Variants in SHPRH observed in about 807,000 individuals in gnomAD.
SHPRH encodes the protein SNF2 histone linker PHD RING helicase.
In SHPRH, 106 loss-of-function variants were observed where a neutral mutation model predicts 202.5. The ratio of observed to expected loss-of-function variants is 0.52; its 90% CI spans 0.45 to 0.62. The LOEUF is 0.62. Among genes scored for constraint, SHPRH ranks in the 20% least tolerant of loss-of-function variants. The pLI is 0.00. For missense variants in SHPRH, 1,710 were observed against 2,020.0 expected (o/e 0.85, Z 2.94); for synonymous variants, 729 against 686.0 (o/e 1.06, Z -0.98).
Position 145,943,461 on chromosome 6 carries a change from A to G in SHPRH, c.1920T>C (p.Asp640=), listed in dbSNP as rs1257353369. Reference sequence around the variant, plus strand: ...TGGTATTAGAAGGTGGTACATCACTATCAGCATGATTTAGAGATTCAGCAC... The same window carrying G: ...TGGTATTAGAAGGTGGTACATCACTGTCAGCATGATTTAGAGATTCAGCAC... The part of the protein sequence containing the change: ...EDCAESLNHA[D]SDVPPSNTMS... The change falls in exon 9 of 30, where the codon GAT becomes GAC. Residue 640 remains aspartate (D), a synonymous_variant. Coordinates refer to ENST00000275233, the MANE Select transcript of SHPRH (RefSeq NM_001042683.3). The G allele has an allele frequency of 6.2e-7, 1 of 1,614,002 alleles. No homozygotes were observed. The highest frequency in any genetic ancestry group is 1.7e-4 in the Middle Eastern group (1 of 6,060).
chr6:145,894,831 T>A (rs769567224), intron 26 of SHPRH, 54 bp downstream of exon 26: 2 of 1,550,192 alleles, frequency 1.3e-6, no homozygotes, highest in Admixed American at 3.4e-5. Context: ...GTAAACTGAT[T>A]AGAGAGGGAA....
In SHPRH at chr6:145,955,202, C is replaced by A. The variant is rs909614323; in HGVS notation, c.121G>T (p.Glu41Ter). Residue 41 changes from glutamate (E) to a stop codon, truncating the protein, a stop_gained, in exon 2 of 30, where the codon GAG becomes TAG. Coordinates refer to ENST00000275233, the MANE Select transcript of SHPRH (RefSeq NM_001042683.3). LOFTEE classifies it high-confidence loss of function. ...GTATCTGAACCTGGGCAGGGCTGCT[C>A]GTCATCATCACTTATGATGATAGGT... Reference protein sequence around the residue: ...NEPIIISDDDEQPCPGSDTSS... With the variant: ...NEPIIISDDD 1 of 1,613,698 alleles carries A rather than the reference C, an allele frequency of 6.2e-7. No individual in the cohort carries two copies. The highest frequency in any genetic ancestry group is 1.1e-5 in the South Asian group (1 of 91,076).
At chr6:145,945,033 C>T (rs921975784) in intron 8 of SHPRH, among the ~76,000 whole-genome samples, 7 of 151,930 alleles carry the variant, frequency 4.6e-5, no homozygotes, top group African/African-American at 9.7e-5. Context: ...CTAGCCAGGG[C>T]AATAGATGCC....
chr6:145,919,846 T>C (rs1784282978), intron 21 of SHPRH, among the ~76,000 whole-genome samples: 1 of 152,126 alleles, frequency 6.6e-6, no homozygotes, highest in African/African-American at 2.4e-5. Flanking sequence ...GCAACAAGAA[T>C]ACTAAAATAT....
chr6:145,933,795 G>C (rs1431118628), intron 13 of SHPRH, among the ~76,000 whole-genome samples: 1 of 152,036 alleles, frequency 6.6e-6, no homozygotes, highest in Non-Finnish European at 1.5e-5. Flanking sequence ...ATAGCCAAAG[G>C]CCAGTTCCTG....
intron 16 of SHPRH, among the ~76,000 whole-genome samples, chr6:145,925,202 GT>G (rs1041666103): frequency 6.6e-6 from 1 of 151,614 alleles, no homozygotes; most frequent in African/African-American, 2.4e-5. Flanking sequence ...GGCTAATTTA[GT>G]TATTAAAATT....
At chr6:145,870,019 T>G (rs916535618) in intron 2 of SHPRH, among the ~76,000 whole-genome samples, 1 of 151,994 alleles carries the variant, frequency 6.6e-6, no homozygotes, top group African/African-American at 2.4e-5. Context: ...TTGATTTTTT[T>G]TCTTCAGTGT....
intron 25 of SHPRH, 100 bp downstream of exon 25, chr6:145,910,348 C>T (rs1783385063): frequency 8.1e-6 from 11 of 1,358,176 alleles, no homozygotes; most frequent in Middle Eastern, 2.2e-4. Flanking sequence ...TACCTATTCA[C>T]TGTCAAGCTT....
chr6:145,911,453 T>A (rs1479638294), intron 24 of SHPRH, among the ~76,000 whole-genome samples: 1 of 152,136 alleles, frequency 6.6e-6, no homozygotes, highest in Admixed American at 6.6e-5. Flanking sequence ...CCCCTTGTCC[T>A]ATTCGGGAAA....
At position 145,926,260 on chromosome 6, in the gene SHPRH, T is replaced by G; in HGVS notation, c.3238A>C (p.Ile1080Leu). The G allele has an allele frequency of 1.2e-6, 2 of 1,612,976 alleles. No individual in the cohort carries two copies. Among genetic ancestry groups the G allele is most frequent in the Non-Finnish European group, 8.5e-7 (1 of 1,179,226 alleles). ...HATHNLMELL[I>L]ARHPGIPPTL... ...GGTGGTATCCCTGGGTGCCTGGCTA[T>G]CAACAATTCCATCAAGTTATGGGTA... The change falls in exon 16 of 30, where the codon ATA becomes CTA. Residue 1080 changes from isoleucine to leucine, a missense_variant. Physicochemically the swap from Ile to Leu is conservative, Grantham distance 5. Around this residue, in one of 8 missense-constraint regions of SHPRH, gnomAD observed 288 missense variants for 317.8 expected, o/e 0.91. Transcript: ENST00000275233.
chr6:145,920,764 A>AACTTATAGGATAAGAAGTATTT (rs1784371015), intron 21 of SHPRH, among the ~76,000 whole-genome samples: 1 of 152,104 alleles, frequency 6.6e-6, no homozygotes, highest in South Asian at 2.1e-4. Context: ...ATGGTTTCCA[A>AACTTATAGGATAAGAAGTATTT]ACTTATAGGA....
the SHPRH span, among the ~76,000 whole-genome samples, chr6:145,857,945 G>T: frequency 6.6e-6 from 1 of 152,084 alleles, no homozygotes; most frequent in Non-Finnish European, 1.5e-5. Context: ...TACATGGATG[G>T]CAAAGAAGCA....
Position 145,935,131 on chromosome 6 carries a change from G to C in SHPRH, c.2766C>G (p.His922Gln), listed in dbSNP as rs1174097489. The C allele has an allele frequency of 6.2e-7, 1 of 1,613,638 alleles. No individual in the cohort carries two copies. Among genetic ancestry groups the C allele is most frequent in the Admixed American group, 1.7e-5 (1 of 59,962 alleles). ...IQIPPQTEEI[H>Q]WLHFSPVERH... is the part of the protein sequence containing the mutation. Reference sequence around the variant, plus strand: ...TTTCCACTGGAGAAAAGTGGAGCCAGTGTATTTCTTCGGTTTGTGGTGGTA... The same window carrying C: ...TTTCCACTGGAGAAAAGTGGAGCCACTGTATTTCTTCGGTTTGTGGTGGTA... The change falls in exon 13 of 30, where the codon CAC (histidine) becomes CAG (glutamine). Residue 922 changes from histidine to glutamine, a missense_variant. His to Gln is a conservative substitution (Grantham distance 24, BLOSUM62 0). Transcript: ENST00000275233.
chr6:145,950,421 C>A lies in SHPRH; in HGVS notation c.825G>T (p.Glu275Asp). The change falls in exon 4 of 30, where the codon GAG (glutamate) becomes GAT (aspartate). Residue 275 changes from glutamate (E) to aspartate (D), a missense_variant. By Grantham distance (45) the Glu-to-Asp change is conservative. Coordinates refer to ENST00000275233, the MANE Select transcript of SHPRH (RefSeq NM_001042683.3). ...ESEPEGQDID[E>D]LYHFVKQTHQ... ...GTGTTTGTTTCACAAAGTGATACAG[C>A]TCGTCAATGTCTTGTCCCTCTGGCT... 3 of 1,613,282 alleles carry A rather than the reference C, an allele frequency of 1.9e-6. No homozygotes were observed.
rs1780864806 is a variant in SHPRH, at chr6:145,884,901, T to TAC, written c.*1789_*1790insGT. On this transcript the variant is annotated 3_prime_UTR_variant, in exon 30 of 30. Coordinates refer to ENST00000275233, the MANE Select transcript of SHPRH (RefSeq NM_001042683.3). ...ATACAGATAGGTTTTTTTATATATATGTAATTTGATTTTACAAAATTGAAG... is the reference window on the plus strand; with the variant it reads ...ATACAGATAGGTTTTTTTATATATATACGTAATTTGATTTTACAAAATTGAAG... 6.6e-6 allele frequency: 1 copy of TAC among 152,186 alleles called. No homozygotes were observed. The highest frequency in any genetic ancestry group is 1.5e-5 in the Non-Finnish European group (1 of 68,016). The allele number at this position is 152,186 out of a possible 1,614,324, so 9.4% of individuals were successfully genotyped here. A position where few individuals can be genotyped will look rare whatever the true frequency, so the allele number is the denominator to read the frequency against.
intron 11 of SHPRH, among the ~76,000 whole-genome samples, chr6:145,937,087 G>A (rs552008971): frequency 3.3e-5 from 5 of 149,860 alleles, no homozygotes; most frequent in East Asian, 4.0e-4. Context: ...AGGTTCAAGC[G>A]ATTCTCCTGC....
intron 17 of SHPRH, among the ~76,000 whole-genome samples, 166 bp from the exon 18 acceptor site, chr6:145,923,951 C>T (rs1250551779): frequency 6.6e-6 from 1 of 151,856 alleles, no homozygotes; most frequent in Non-Finnish European, 1.5e-5. Context: ...GTACAATGCT[C>T]GCTTCCTCTT....
At position 145,948,577 on chromosome 6, in the gene SHPRH, C is replaced by T. The variant is rs77454102; in HGVS notation, c.983-227G>A. On this transcript the variant is annotated intron_variant, in intron 4 of 29. Coordinates refer to ENST00000275233, the MANE Select transcript of SHPRH (RefSeq NM_001042683.3). Reference sequence around the variant, plus strand: ...ACTCTTTAGCTCCCTTTGTTTTGGGCACAAATCCACATCAGCAAATAATAG... The same window carrying T: ...ACTCTTTAGCTCCCTTTGTTTTGGGTACAAATCCACATCAGCAAATAATAG... 3.3e-5 allele frequency among the ~76,000 whole-genome samples: 5 copies of T among 152,084 alleles called. No individual in the cohort carries two copies. In the East Asian group the frequency reaches 9.7e-4, roughly 29 times the overall value.
chr6:145,869,929 TG>T (rs965877123), intron 2 of SHPRH, among the ~76,000 whole-genome samples: 89 of 152,136 alleles, frequency 5.9e-4, no homozygotes, highest in African/African-American at 2.0e-3. Flanking sequence ...TAGATCAGGT[TG>T]GGAAGAACTA....
Sources: gnomAD v4.1 joint callset for allele counts (sites outside exome capture counted in the v4.1 genomes callset) on GRCh38, gnomAD v4.1.1 for gene constraint, gnomAD v4.1.1 regional missense constraint, MANE v1.5 for transcripts, NCBI Gene and HGNC (gene_info 2026-07-23, HGNC 2026-07-21) for gene names.